Variants in UBE2Q2 observed in about 807,000 individuals in gnomAD.
UBE2Q2 encodes the protein ubiquitin conjugating enzyme E2 Q2, also known as ubiquitin-conjugating enzyme E2 Q2.
UBE2Q2 carries 54 observed loss-of-function variants against 59.9 expected under a neutral mutation model. The ratio of observed to expected loss-of-function variants is 0.90; its 90% CI spans 0.72 to 1.13. The LOEUF (loss-of-function observed/expected upper bound fraction) is 1.13. UBE2Q2 is among the 50% of genes most tolerant of loss of function. The pLI, the probability that UBE2Q2 is intolerant of heterozygous loss-of-function variation, is 0.00. For missense variants in UBE2Q2, 433 were observed against 441.9 expected, an observed-to-expected ratio of 0.98 and a Z score of 0.18; for synonymous variants, 165 against 155.2, an observed-to-expected ratio of 1.06 and a Z score of -0.47.
At chr15:75,854,540 G>T in intron 2 of UBE2Q2, 53 bp downstream of exon 2, 1 of 1,085,740 alleles carries the variant, frequency 9.2e-7, no homozygotes, top group South Asian at 1.5e-5. Context: ...ATTACATATA[G>T]AAATTAAATG....
At chr15:75,859,641 ATTG>A (rs1465115716) in intron 2 of UBE2Q2, among the ~76,000 whole-genome samples, 3 of 152,094 alleles carry the variant, frequency 2.0e-5, no homozygotes, top group African/African-American at 7.2e-5. Flanking sequence ...CTCTGCCCTT[ATTG>A]TTGTCATTCT....
intron 2 of UBE2Q2, among the ~76,000 whole-genome samples, chr15:75,856,292 T>TATATATATATATATATAA (rs1285992018): frequency 7.0e-6 from 1 of 142,250 alleles, no homozygotes; most frequent in African/African-American, 2.7e-5. Context: ...TATATATATA[T>TATATATATATATATATAA]AATGAATTTC....
chr15:75,886,492 AAGGAAGAC>A (rs1475415334), intron 9 of UBE2Q2, among the ~76,000 whole-genome samples: 1 of 152,244 alleles, frequency 6.6e-6, no homozygotes, highest in Non-Finnish European at 1.5e-5. Context: ...AGCATGGGAA[AAGGAAGAC>A]AGGTCATTTT....
chr15:75,890,450 A>T lies in UBE2Q2; in HGVS notation c.900A>T (p.Gly300=). The change falls in exon 10 of 13, where the codon GGA becomes GGT. Residue 300 remains glycine (G), a synonymous_variant. Transcript: ENST00000267938. ...TCTTTTTAAGGTATGTATTGGGTGGAGGAGCATTATGTATGGAACTTCTCA... is the reference window on the plus strand; with the variant it reads ...TCTTTTTAAGGTATGTATTGGGTGGTGGAGCATTATGTATGGAACTTCTCA... The part of the protein sequence containing the change: ...PVLSGGYVLG[G]GALCMELLTK... 1 of 1,606,440 alleles carries T rather than the reference A, an allele frequency of 6.2e-7. No homozygotes were observed. The highest frequency in any genetic ancestry group is 8.5e-7 in the Non-Finnish European group (1 of 1,178,336).
At chr15:75,864,383 T>C (rs566721202) in intron 3 of UBE2Q2, among the ~76,000 whole-genome samples, 10 of 152,228 alleles carry the variant, frequency 6.6e-5, no homozygotes, top group African/African-American at 1.4e-4. Context: ...AGGGGTGCTG[T>C]TGGCATTTCT....
chr15:75,869,027 A>G lies in UBE2Q2; in HGVS notation c.447+17A>G. On this transcript the variant is annotated intron_variant, in intron 4 of 12. Transcript: ENST00000267938. ...ATGGCTGAAGTAGGTATTTTATATA[A>G]AAGAAGAGTTCATAAATTTCTTCAT... 1 of 1,599,116 alleles carries G rather than the reference A, an allele frequency of 6.3e-7. No individual in the cohort carries two copies. The highest frequency in any genetic ancestry group is 8.5e-7 in the Non-Finnish European group (1 of 1,170,426).
chr15:75,872,140 A>C (rs1485578638), intron 4 of UBE2Q2, among the ~76,000 whole-genome samples: 1 of 152,120 alleles, frequency 6.6e-6, no homozygotes, highest in Admixed American at 6.5e-5. Flanking sequence ...ATGGCATTCC[A>C]AAAAGGAGGC....
chr15:75,849,389 C>T (rs555237922), intron 1 of UBE2Q2, among the ~76,000 whole-genome samples: 1 of 152,180 alleles, frequency 6.6e-6, no homozygotes, highest in African/African-American at 2.4e-5. Flanking sequence ...CTGAAGATAG[C>T]TGTGTCCTAC....
chr15:75,893,414 A>G (rs772454915), intron 11 of UBE2Q2, among the ~76,000 whole-genome samples: 2 of 152,220 alleles, frequency 1.3e-5, no homozygotes, highest in African/African-American at 2.4e-5. Context: ...TTTGTATTTT[A>G]TGTACCTATC....
chr15:75,880,456 G>A (rs1267527907), intron 8 of UBE2Q2, among the ~76,000 whole-genome samples: 3 of 150,872 alleles, frequency 2.0e-5, no homozygotes, highest in African/African-American at 7.3e-5. Flanking sequence ...TTAAAGAATA[G>A]CAATGGAATC....
At chr15:75,885,435 G>A (rs886198873) in intron 9 of UBE2Q2, among the ~76,000 whole-genome samples, 1 of 152,172 alleles carries the variant, frequency 6.6e-6, no homozygotes, top group Non-Finnish European at 1.5e-5. Context: ...GTTAATAGAT[G>A]TTTGTTTTGA....
At chr15:75,889,093 G>A (rs968525111) in intron 9 of UBE2Q2, among the ~76,000 whole-genome samples, 2 of 152,192 alleles carry the variant, frequency 1.3e-5, no homozygotes, top group Non-Finnish European at 1.5e-5. Context: ...AAATCAGTGA[G>A]TGCACATTAT....
rs575058038 is a variant in UBE2Q2, at chr15:75,878,877, T to A, written c.735-221T>A. On this transcript the variant is annotated intron_variant, in intron 7 of 12. Transcript: ENST00000267938. ...TCTGAACTCCTTTACTAGATTAGAT[T>A]TAGAGTATTATGGTCTCTTTTGGAC... is the stretch of plus-strand genomic sequence containing the variant. Among the ~76,000 whole-genome samples, 3 of 152,222 alleles carry A rather than the reference T, an allele frequency of 2.0e-5. No individual in the cohort carries two copies. In the South Asian group the frequency reaches 6.2e-4, roughly 32 times the overall value.
intron 3 of UBE2Q2, among the ~76,000 whole-genome samples, chr15:75,867,907 A>G (rs1897587962): frequency 6.6e-6 from 1 of 152,200 alleles, no homozygotes; most frequent in South Asian, 2.1e-4. Context: ...GAAAAAAGGG[A>G]GAATTACATT....
At chr15:75,875,546 T>A (rs187548890) in intron 5 of UBE2Q2, among the ~76,000 whole-genome samples, 1 of 152,212 alleles carries the variant, frequency 6.6e-6, no homozygotes, top group Non-Finnish European at 1.5e-5. Context: ...TTTTAGTAAA[T>A]AATGTGTCAC....
chr15:75,860,257 T>G (rs572001302), intron 3 of UBE2Q2, among the ~76,000 whole-genome samples: 16 of 152,316 alleles, frequency 1.1e-4, no homozygotes, highest in Non-Finnish European at 1.6e-4. Flanking sequence ...CTCTTGCTTC[T>G]TTCATAGTTT....
chr15:75,866,340 C>T (rs1456447076), intron 3 of UBE2Q2, among the ~76,000 whole-genome samples: 1 of 151,880 alleles, frequency 6.6e-6, no homozygotes, highest in Non-Finnish European at 1.5e-5. Flanking sequence ...CCGTGCATGG[C>T]TACTTTTTAA....
intron 11 of UBE2Q2, among the ~76,000 whole-genome samples, chr15:75,893,171 A>G (rs1899201005): frequency 6.6e-6 from 1 of 152,236 alleles, no homozygotes; most frequent in South Asian, 2.1e-4. Context: ...TAAATGGACT[A>G]AAGTTACCAG....
chr15:75,864,051 T>C (rs1338816924), intron 3 of UBE2Q2, among the ~76,000 whole-genome samples: 2 of 152,226 alleles, frequency 1.3e-5, no homozygotes, highest in African/African-American at 4.8e-5. Context: ...CACGATTCTG[T>C]ATAGGGATAT....
Sources: allele counts gnomAD v4.1 joint callset (sites outside exome capture counted in the v4.1 genomes callset), GRCh38; gene constraint gnomAD v4.1.1; transcripts MANE v1.5; gene names NCBI Gene and HGNC (gene_info 2026-07-23, HGNC 2026-07-21).